PEBP4: variants seen among roughly 807,000 people sequenced by gnomAD.
PEBP4 encodes the protein phosphatidylethanolamine binding protein 4.
In PEBP4, 22 loss-of-function variants were observed where a neutral mutation model predicts 23.9. That is an observed-to-expected ratio of 0.92 (90% CI 0.66 to 1.31). The LOEUF (loss-of-function observed/expected upper bound fraction) is 1.31, where lower values mean the gene tolerates loss of function less well. Ranked by LOEUF, PEBP4 falls within the 40% of genes most tolerant of loss-of-function variation. The pLI is 0.00. For synonymous variants in PEBP4, 112 were observed against 99.3 expected (o/e 1.13, Z -0.76); for missense variants, 324 against 281.7 (o/e 1.15, Z -1.07).
intron 3 of PEBP4, among the ~76,000 whole-genome samples, chr8:22,888,923 C>T (rs1403641044): frequency 6.6e-6 from 1 of 152,232 alleles, no homozygotes; most frequent in Non-Finnish European, 1.5e-5. Flanking sequence ...TAATCCTGGC[C>T]ACAGGCTTAC....
chr8:22,845,907 G>C (rs560986297), intron 3 of PEBP4, among the ~76,000 whole-genome samples: 1 of 152,362 alleles, frequency 6.6e-6, no homozygotes, highest in South Asian at 2.1e-4. Flanking sequence ...GAAATGACTG[G>C]CGTGGTCAGC....
intron 3 of PEBP4, among the ~76,000 whole-genome samples, chr8:22,837,598 A>G (rs1290050715): frequency 1.3e-5 from 2 of 152,152 alleles, no homozygotes; most frequent in Admixed American, 1.3e-4. Context: ...ATACCCATAC[A>G]CATGCCCACA....
In PEBP4 at chr8:22,808,196, C is replaced by A. The variant is rs529005784; in HGVS notation, c.357+9441G>T. Reference sequence around the variant, plus strand: ...ATCTGTCCATCCACCTATCCAACTTCCATCCATCCACCCACCCATCTACCC... The same window carrying A: ...ATCTGTCCATCCACCTATCCAACTTACATCCATCCACCCACCCATCTACCC... On this transcript the variant is annotated intron_variant, in intron 4 of 6. Coordinates refer to ENST00000256404, the MANE Select transcript of PEBP4 (RefSeq NM_144962.3). Among the ~76,000 whole-genome samples, 13 of 151,994 alleles carry A rather than the reference C, an allele frequency of 8.6e-5. No homozygotes were observed. The South Asian group carries it at 1.3e-3, about 15-fold the overall frequency.
chr8:22,812,025 A>G (rs1382310394), intron 4 of PEBP4, among the ~76,000 whole-genome samples: 1 of 152,218 alleles, frequency 6.6e-6, no homozygotes, highest in Non-Finnish European at 1.5e-5. Context: ...GGAAATAGAT[A>G]TTATCATGCC....
At chr8:22,872,564 A>T (rs1305007579) in intron 3 of PEBP4, among the ~76,000 whole-genome samples, 1 of 152,230 alleles carries the variant, frequency 6.6e-6, no homozygotes. Context: ...AAAAATGAAG[A>T]GGCAGAAAAG....
intron 3 of PEBP4, among the ~76,000 whole-genome samples, chr8:22,906,562 A>C (rs1808818585): frequency 6.6e-6 from 1 of 152,218 alleles, no homozygotes; most frequent in Non-Finnish European, 1.5e-5. Context: ...TCCACTGGCC[A>C]CTGCCTTGCC....
intron 2 of PEBP4, among the ~76,000 whole-genome samples, chr8:22,922,162 C>T (rs6557601): frequency 0.21 from 32,456 of 152,154 alleles, 3,558 homozygotes; most frequent in African/African-American, 0.25. Context: ...CCTCTCTTCA[C>T]GCCCATAGGG....
intron 4 of PEBP4, among the ~76,000 whole-genome samples, chr8:22,766,116 C>T (rs1805610344): frequency 2.6e-5 from 4 of 152,360 alleles, no homozygotes; most frequent in Admixed American, 2.6e-4. Context: ...CTCTTCCTTC[C>T]AAGCCTGTGT....
chr8:22,776,086 C>T (rs1314869493), intron 4 of PEBP4, among the ~76,000 whole-genome samples: 1 of 152,104 alleles, frequency 6.6e-6, no homozygotes. Flanking sequence ...ACCACTGGGA[C>T]CCTCCCCTTC....
intron 3 of PEBP4, among the ~76,000 whole-genome samples, chr8:22,857,940 C>G (rs1807689930): frequency 1.3e-5 from 2 of 152,172 alleles, no homozygotes; most frequent in Non-Finnish European, 2.9e-5. Flanking sequence ...GCCCCTGGTG[C>G]ATGGTGTGTT....
chr8:22,754,033 T>C (rs1214467644), intron 4 of PEBP4, among the ~76,000 whole-genome samples: 3 of 152,116 alleles, frequency 2.0e-5, no homozygotes, highest in Admixed American at 6.5e-5. Flanking sequence ...CGAGGGTTGC[T>C]GATGGGGTAT....
At chr8:22,813,459 G>A (rs958917072) in intron 4 of PEBP4, among the ~76,000 whole-genome samples, 7 of 151,962 alleles carry the variant, frequency 4.6e-5, no homozygotes, top group South Asian at 2.1e-4. Context: ...CCATCTTCCC[G>A]TGTTCAATAT....
intron 4 of PEBP4, among the ~76,000 whole-genome samples, chr8:22,731,264 C>T (rs1439851379): frequency 1.3e-5 from 2 of 152,192 alleles, no homozygotes; most frequent in East Asian, 3.8e-4. Context: ...TCTGCCTCTG[C>T]CACCCCAAGA....
intron 4 of PEBP4, among the ~76,000 whole-genome samples, chr8:22,780,860 C>T (rs1805899165): frequency 6.6e-6 from 1 of 152,206 alleles, no homozygotes; most frequent in African/African-American, 2.4e-5. Flanking sequence ...AACGAGTGTG[C>T]TCCGAGTGCT....
At chr8:22,821,834 A>C (rs1407097269) in intron 3 of PEBP4, among the ~76,000 whole-genome samples, 2 of 151,972 alleles carry the variant, frequency 1.3e-5, no homozygotes, top group African/African-American at 4.8e-5. Context: ...AAATATAAAA[A>C]ATTAGCTGGG....
intron 4 of PEBP4, among the ~76,000 whole-genome samples, chr8:22,803,740 C>T (rs1806437812): frequency 1.3e-5 from 2 of 152,090 alleles, no homozygotes; most frequent in Admixed American, 6.6e-5. Flanking sequence ...CTTGAGACTC[C>T]CCCTTGTCTC....
intron 4 of PEBP4, among the ~76,000 whole-genome samples, chr8:22,749,618 C>G (rs532301358): frequency 1.5e-4 from 23 of 152,232 alleles, no homozygotes; most frequent in African/African-American, 5.5e-4. Flanking sequence ...GATTCCCCAT[C>G]CAGGTGGGTA....
At chr8:22,802,430 G>C (rs1806403870) in intron 4 of PEBP4, among the ~76,000 whole-genome samples, 1 of 152,204 alleles carries the variant, frequency 6.6e-6, no homozygotes, top group Non-Finnish European at 1.5e-5. Flanking sequence ...GCCCAAAGCT[G>C]CTAGCTGACT....
At chr8:22,835,934 A>G (rs142340551) in intron 3 of PEBP4, among the ~76,000 whole-genome samples, 4 of 152,358 alleles carry the variant, frequency 2.6e-5, no homozygotes, top group African/African-American at 9.6e-5. Context: ...TCCTGCCTCA[A>G]GTGGCTCACA....
Sources: gnomAD v4.1 joint callset for allele counts (sites outside exome capture counted in the v4.1 genomes callset) on GRCh38, gnomAD v4.1.1 for gene constraint, MANE v1.5 for transcripts, NCBI Gene and HGNC (gene_info 2026-07-23, HGNC 2026-07-21) for gene names.